MTMR7: variants seen among roughly 807,000 people sequenced by gnomAD.
The protein encoded by MTMR7 is myotubularin related protein 7, also known as phosphatidylinositol-3-phosphate phosphatase MTMR7.
MTMR7 carries 76 observed loss-of-function variants against 81.2 expected under a neutral mutation model. The observed-to-expected ratio is 0.94, with a 90% CI of 0.78 to 1.13. MTMR7 has a LOEUF of 1.13. Ranked by LOEUF, MTMR7 falls within the 50% of genes most tolerant of loss-of-function variation. The pLI is 0.00. For synonymous variants in MTMR7, 372 were observed against 289.8 expected, an observed-to-expected ratio of 1.28 and a Z score of -2.88; for missense variants, 1,044 against 820.0, an observed-to-expected ratio of 1.27 and a Z score of -3.34.
At chr8:17,316,373 TATA>T (rs1818071924) in intron 7 of MTMR7, among the ~76,000 whole-genome samples, 1 of 151,950 alleles carries the variant, frequency 6.6e-6, no homozygotes, top group Non-Finnish European at 1.5e-5. Context: ...TTAACAGCTA[TATA>T]ATATTCCACT....
intron 1 of MTMR7, among the ~76,000 whole-genome samples, chr8:17,405,531 T>G (rs901001281): frequency 6.6e-6 from 1 of 152,178 alleles, no homozygotes; most frequent in African/African-American, 2.4e-5. Flanking sequence ...AGTAATCCTT[T>G]GTGAGGATGA....
At chr8:17,308,418 T>C (rs1817605499) in intron 10 of MTMR7, among the ~76,000 whole-genome samples, 3 of 152,158 alleles carry the variant, frequency 2.0e-5, no homozygotes. Flanking sequence ...TGGAAAAAAT[T>C]AGAAAAATAG....
At chr8:17,301,309 G>A (rs946773769) in intron 13 of MTMR7, among the ~76,000 whole-genome samples, 1 of 152,178 alleles carries the variant, frequency 6.6e-6, no homozygotes, top group African/African-American at 2.4e-5. Flanking sequence ...AGGTTAGAAG[G>A]AAAAGAACAG....
At position 17,304,439 on chromosome 8, in the gene MTMR7, T is replaced by G; in HGVS notation, c.1433A>C (p.Asp478Ala). Residue 478 changes from aspartate to alanine, a missense_variant, in exon 12 of 14, where the codon GAT becomes GCT. By Grantham distance (126) the Asp-to-Ala change is moderately radical. Transcript: ENST00000180173. Reference protein sequence around the residue: ...ADYLNPLFRADHSQTQGTLHL... With the variant: ...ADYLNPLFRAAHSQTQGTLHL... ...AAGGGTTCCCTGAGTCTGGCTGTGA[T>G]CAGCTCTAAACAGAGGATTCAGGTA... 1 of 1,614,102 alleles carries G rather than the reference T, an allele frequency of 6.2e-7. No individual in the cohort carries two copies. The highest frequency in any genetic ancestry group is 1.7e-4 in the Middle Eastern group (1 of 6,060).
chr8:17,360,120 A>G (rs1460698866), intron 4 of MTMR7, among the ~76,000 whole-genome samples: 5 of 152,228 alleles, frequency 3.3e-5, no homozygotes, highest in Non-Finnish European at 5.9e-5. Context: ...TTACAAATAT[A>G]ATTATTGACA....
chr8:17,306,103 T>C, intron 10 of MTMR7, 146 bp from the exon 11 acceptor site: 1 of 674,482 alleles, frequency 1.5e-6, no homozygotes, highest in Non-Finnish European at 2.4e-6. Context: ...GGTAGAAAAG[T>C]TAAGATTTTA....
rs182672654 is a variant in MTMR7 at position 17,396,574 on chromosome 8, A to T, written c.24+16695T>A. Among the ~76,000 whole-genome samples, 17 of 152,256 alleles carry T rather than the reference A, an allele frequency of 1.1e-4. No individual in the cohort carries two copies. In the East Asian group the frequency reaches 3.3e-3, roughly 29 times the overall value. ...GGAAATTGCCTATCCCAGTGGTCAG[A>T]ACTTGAATTCTGGCAAGCCTCACTA... is the stretch of plus-strand genomic sequence containing the variant. On this transcript the variant is annotated intron_variant, in intron 1 of 13. Transcript: ENST00000180173.
chr8:17,353,120 G>A (rs1173380237), intron 4 of MTMR7, among the ~76,000 whole-genome samples: 3 of 152,190 alleles, frequency 2.0e-5, no homozygotes, highest in African/African-American at 7.2e-5. Flanking sequence ...CCCTAAAAAG[G>A]AAGGAAATCC....
At chr8:17,355,146 A>G (rs1255826811) in intron 4 of MTMR7, among the ~76,000 whole-genome samples, 2 of 152,188 alleles carry the variant, frequency 1.3e-5, no homozygotes, top group East Asian at 3.8e-4. Flanking sequence ...ACGTTATTCC[A>G]CAAGATGTGG....
chr8:17,383,896 G>A (rs2150573914), intron 1 of MTMR7, among the ~76,000 whole-genome samples: 1 of 152,224 alleles, frequency 6.6e-6, no homozygotes, highest in Non-Finnish European at 1.5e-5. Context: ...CAGGAACCAA[G>A]CCCCACTTCT....
chr8:17,349,291 A>C, intron 4 of MTMR7: 1 of 501,554 alleles, frequency 2.0e-6, no homozygotes. Flanking sequence ...AACGCAAGCT[A>C]CCCTTAGTGT....
intron 5 of MTMR7, among the ~76,000 whole-genome samples, chr8:17,342,470 T>C (rs546038901): frequency 4.6e-5 from 7 of 152,258 alleles, no homozygotes; most frequent in African/African-American, 1.4e-4. Context: ...AGCGTGCTTG[T>C]ATTGCAGGGT....
chr8:17,403,075 T>A lies in MTMR7; in HGVS notation c.24+10194A>T, dbSNP rs571839353. 2.0e-5 allele frequency among the ~76,000 whole-genome samples: 3 copies of A among 152,320 alleles called. No individual in the cohort carries two copies. In the East Asian group the frequency reaches 5.8e-4, roughly 29 times the overall value. ...GAGAAATGTCTATTTAGAAATTTTGTCTATTTTTAAATCAGATTATTAGAT... is the reference window on the plus strand; with the variant it reads ...GAGAAATGTCTATTTAGAAATTTTGACTATTTTTAAATCAGATTATTAGAT... On this transcript the variant is annotated intron_variant, in intron 1 of 13. Transcript: ENST00000180173.
At chr8:17,373,958 A>G (rs1820496338) in intron 1 of MTMR7, among the ~76,000 whole-genome samples, 1 of 152,216 alleles carries the variant, frequency 6.6e-6, no homozygotes, top group Admixed American at 6.5e-5. Flanking sequence ...TGGAAATGAC[A>G]AGACAATCTC....
chr8:17,321,341 G>T (rs1287246740), intron 7 of MTMR7, among the ~76,000 whole-genome samples: 2 of 152,186 alleles, frequency 1.3e-5, no homozygotes, highest in Admixed American at 1.3e-4. Flanking sequence ...CTCAGCAATG[G>T]GACAGGCTGC....
intron 7 of MTMR7, among the ~76,000 whole-genome samples, chr8:17,321,023 C>G (rs983839471): frequency 6.6e-6 from 1 of 151,940 alleles, no homozygotes; most frequent in African/African-American, 2.4e-5. Flanking sequence ...ACAGGCCAAA[C>G]TTTCCAGTTG....
chr8:17,408,819 C>G (rs1294869045), intron 1 of MTMR7, among the ~76,000 whole-genome samples: 3 of 152,120 alleles, frequency 2.0e-5, no homozygotes, highest in Non-Finnish European at 4.4e-5. Flanking sequence ...TGGGCATCAT[C>G]AAGTTTAACT....
chr8:17,373,162 C>A lies in MTMR7; in HGVS notation c.103G>T (p.Val35Phe). 1.2e-6 allele frequency: 2 copies of A among 1,613,798 alleles called. No homozygotes were observed. The highest frequency in any genetic ancestry group is 2.2e-5 in the East Asian group (1 of 44,876). ...TCAGGTGAATTTTCCACGAATATGA[C>A]ATGGGTAGCCGTCAAATACAAAGTA... ...LGTLYLTATH[V>F]IFVENSPDPR... Residue 35 changes from valine to phenylalanine, a missense_variant, in exon 2 of 14, where the codon GTC becomes TTC. Physicochemically the swap from Val to Phe is conservative, Grantham distance 50. Transcript: ENST00000180173.
At chr8:17,315,984 T>C (rs1439032043) in intron 7 of MTMR7, among the ~76,000 whole-genome samples, 1 of 152,152 alleles carries the variant, frequency 6.6e-6, no homozygotes, top group African/African-American at 2.4e-5. Context: ...CTGCACTCCA[T>C]CCTGGGTGAT....
Sources: gnomAD v4.1 joint callset for allele counts (sites outside exome capture counted in the v4.1 genomes callset) on GRCh38, gnomAD v4.1.1 for gene constraint, MANE v1.5 for transcripts, NCBI Gene and HGNC (gene_info 2026-07-23, HGNC 2026-07-21) for gene names.